The following NCKAP5 variants were observed in gnomAD, a reference collection of about 807,000 sequenced individuals.
The protein encoded by NCKAP5 is NCK associated protein 5, also known as nck-associated protein 5.
A neutral mutation model predicts 167.0 loss-of-function variants in NCKAP5; 92 were observed. The observed-to-expected ratio is 0.55, with a 90% CI of 0.47 to 0.66. The LOEUF (loss-of-function observed/expected upper bound fraction) is 0.66, where lower values mean the gene tolerates loss of function less well. Ranked by LOEUF, NCKAP5 falls within the 30% of genes least tolerant of loss-of-function variation. The probability of loss-of-function intolerance (pLI) is 0.00; values close to 1 mark genes in which losing one functional copy is unlikely to be tolerated. For missense variants in NCKAP5, 2,378 were observed against 2,315.0 expected, an observed-to-expected ratio of 1.03 and a Z score of -0.56; for synonymous variants, 891 against 877.4, an observed-to-expected ratio of 1.02 and a Z score of -0.27.
chr2:133,540,739 C>T (rs1024340110), intron 2 of NCKAP5, among the ~76,000 whole-genome samples: 1 of 151,830 alleles, frequency 6.6e-6, no homozygotes, highest in Non-Finnish European at 1.5e-5. Context: ...AGTTCAAGTC[C>T]AGCCTAGCCA....
chr2:133,272,113 A>T (rs1366459421), intron 4 of NCKAP5, among the ~76,000 whole-genome samples: 4 of 152,066 alleles, frequency 2.6e-5, no homozygotes, highest in African/African-American at 9.7e-5. Flanking sequence ...ATGTCTCAAA[A>T]ATATCCAAAT....
intron 3 of NCKAP5, among the ~76,000 whole-genome samples, chr2:133,340,626 A>G (rs554154728): frequency 6.6e-6 from 1 of 152,302 alleles, no homozygotes; most frequent in Admixed American, 6.5e-5. Context: ...CTTATAAACA[A>G]GTTGACAAGC....
chr2:132,700,701 A>T (rs1050356652), intron 19 of NCKAP5, among the ~76,000 whole-genome samples: 2 of 152,226 alleles, frequency 1.3e-5, no homozygotes, highest in East Asian at 1.9e-4. Context: ...TATGGACTTC[A>T]AACCATGTTC....
intron 3 of NCKAP5, among the ~76,000 whole-genome samples, chr2:133,342,276 T>G (rs138765644): frequency 2.0e-5 from 3 of 152,168 alleles, no homozygotes; most frequent in African/African-American, 4.8e-5. Context: ...TTACTGAGAT[T>G]TTGATGCAGT....
At chr2:133,180,112 T>A (rs1200744144) in intron 5 of NCKAP5, among the ~76,000 whole-genome samples, 1 of 151,726 alleles carries the variant, frequency 6.6e-6, no homozygotes, top group East Asian at 1.9e-4. Flanking sequence ...ACCTACAGGG[T>A]AAAACACTTG....
intron 19 of NCKAP5, among the ~76,000 whole-genome samples, chr2:132,692,874 C>T (rs999457848): frequency 1.3e-5 from 2 of 152,182 alleles, no homozygotes; most frequent in Admixed American, 1.3e-4. Flanking sequence ...TTCTCAGGCA[C>T]TATTCCATGG....
intron 11 of NCKAP5, among the ~76,000 whole-genome samples, chr2:132,838,256 A>G (rs949660598): frequency 6.6e-6 from 1 of 152,190 alleles, no homozygotes; most frequent in East Asian, 1.9e-4. Flanking sequence ...TATTTGCTCA[A>G]TGCCAATACT....
chr2:133,672,971 G>A, the NCKAP5 span, among the ~76,000 whole-genome samples: 4 of 152,190 alleles, frequency 2.6e-5, no homozygotes, highest in Non-Finnish European at 5.9e-5. Context: ...CTAATTCCAT[G>A]TTCCTCTCAT....
intron 3 of NCKAP5, among the ~76,000 whole-genome samples, chr2:133,487,088 A>G (rs1680970114): frequency 6.6e-6 from 1 of 152,192 alleles, no homozygotes; most frequent in East Asian, 1.9e-4. Context: ...TGGAGAACTC[A>G]GTAACAGCTG....
chr2:132,996,589 C>T (rs1013883189), intron 6 of NCKAP5, among the ~76,000 whole-genome samples: 1 of 152,196 alleles, frequency 6.6e-6, no homozygotes, highest in Non-Finnish European at 1.5e-5. Flanking sequence ...ACCATTTACT[C>T]TATCACTTAA....
intron 16 of NCKAP5, among the ~76,000 whole-genome samples, chr2:132,745,797 T>C (rs975329078): frequency 6.6e-6 from 1 of 152,022 alleles, no homozygotes; most frequent in Admixed American, 6.6e-5. Flanking sequence ...TATTAGTATG[T>C]ATTATAAATA....
rs138740633 is a variant in NCKAP5, at chr2:132,976,867, G to A, written c.430-12998C>T. Among the ~76,000 whole-genome samples the A allele has an allele frequency of 4.8e-3, 727 of 151,970 alleles. 5 individuals carry two copies. Among genetic ancestry groups the A allele is most frequent in the African/African-American group, 0.017 (692 of 41,468 alleles). On this transcript the variant is annotated intron_variant, in intron 7 of 19. Transcript: ENST00000409261. ...CTCAAATTTTTGTTTCAGAAAACACGGTCAATATCATATCATTTTTGTGTG... is the reference window on the plus strand; with the variant it reads ...CTCAAATTTTTGTTTCAGAAAACACAGTCAATATCATATCATTTTTGTGTG...
chr2:132,969,590 A>G (rs2076771756), intron 7 of NCKAP5, among the ~76,000 whole-genome samples: 1 of 152,158 alleles, frequency 6.6e-6, no homozygotes, highest in African/African-American at 2.4e-5. Flanking sequence ...TGAGGCATTC[A>G]TTTCCTGGCT....
rs1057471280 is a variant in NCKAP5 at position 132,936,483 on chromosome 2, T to G, written c.579+27237A>C. On this transcript the variant is annotated intron_variant, in intron 8 of 19. Transcript: ENST00000409261. Reference sequence around the variant, plus strand: ...CCAGACACACCCCCATAATAAAGGTTCCTCACTCCATGTGGCTGCACAAGG... The same window carrying G: ...CCAGACACACCCCCATAATAAAGGTGCCTCACTCCATGTGGCTGCACAAGG... Among the ~76,000 whole-genome samples the G allele has an allele frequency of 7.2e-5, 11 of 152,200 alleles. 1 individual carries two copies. The East Asian group carries it at 1.5e-3, about 21-fold the overall frequency.
At chr2:133,293,788 T>G (rs1180349468) in intron 4 of NCKAP5, among the ~76,000 whole-genome samples, 1 of 152,156 alleles carries the variant, frequency 6.6e-6, no homozygotes, top group Non-Finnish European at 1.5e-5. Context: ...ACTCTTATCC[T>G]GGCAGGGGTC....
intron 3 of NCKAP5, among the ~76,000 whole-genome samples, chr2:133,308,859 C>T (rs1439263496): frequency 7.4e-5 from 11 of 148,426 alleles, no homozygotes; most frequent in Non-Finnish European, 8.9e-5. Flanking sequence ...TACAGGCGCC[C>T]GCCACCGCGC....
chr2:133,511,602 C>T (rs1683501071), intron 3 of NCKAP5, among the ~76,000 whole-genome samples: 1 of 152,212 alleles, frequency 6.6e-6, no homozygotes, highest in Non-Finnish European at 1.5e-5. Context: ...GTCTATTCCC[C>T]ACCAGTTACT....
chr2:133,343,036 T>C (rs1683703370), intron 3 of NCKAP5, among the ~76,000 whole-genome samples: 1 of 152,138 alleles, frequency 6.6e-6, no homozygotes, highest in East Asian at 1.9e-4. Flanking sequence ...ATACTAAAGG[T>C]GAAGGCTTAT....
chr2:132,900,458 C>CCA (rs143692997), intron 8 of NCKAP5, among the ~76,000 whole-genome samples: 1 of 151,940 alleles, frequency 6.6e-6, no homozygotes, highest in Non-Finnish European at 1.5e-5. Flanking sequence ...ACACATACAA[C>CCA]CACACACACA....
Sources: allele counts gnomAD v4.1 joint callset (sites outside exome capture counted in the v4.1 genomes callset), GRCh38; gene constraint gnomAD v4.1.1; transcripts MANE v1.5; gene names NCBI Gene and HGNC (gene_info 2026-07-23, HGNC 2026-07-21).